The following IPO8 variants were observed in gnomAD, a reference collection of about 807,000 sequenced individuals.
The protein encoded by IPO8 is importin 8.
Under a neutral mutation model 141.2 loss-of-function variants are expected in IPO8, and 65 were observed. The ratio of observed to expected loss-of-function variants is 0.46; its 90% CI spans 0.38 to 0.57. The LOEUF is 0.57. Among genes scored for constraint, IPO8 ranks in the 20% least tolerant of loss-of-function variants. IPO8 has a pLI of 0.00. For synonymous variants in IPO8, 411 were observed against 420.3 expected (o/e 0.98, Z 0.27); for missense variants, 980 against 1,246.8 (o/e 0.79, Z 3.22).
At chr12:30,647,887 C>A (rs1222005910) in intron 20 of IPO8, among the ~76,000 whole-genome samples, 1 of 152,144 alleles carries the variant, frequency 6.6e-6, no homozygotes, top group Non-Finnish European at 1.5e-5. Context: ...ATGAAACATG[C>A]TCAAGATCAT....
intron 20 of IPO8, 74 bp from the exon 21 acceptor site, chr12:30,639,809 A>C: frequency 4.0e-6 from 4 of 990,704 alleles, no homozygotes; most frequent in Non-Finnish European, 4.8e-6. Context: ...ATATTGGCAG[A>C]GCATTCTCAA....
chr12:30,647,973 CAAAG>C (rs1332309949), intron 20 of IPO8, among the ~76,000 whole-genome samples: 1 of 152,056 alleles, frequency 6.6e-6, no homozygotes, highest in African/African-American at 2.4e-5. Context: ...GGCAAAAACA[CAAAG>C]AAATTGGAAC....
chr12:30,686,654 A>T (rs1473398413), intron 2 of IPO8: 2 of 152,182 alleles, frequency 1.3e-5, no homozygotes, highest in African/African-American at 4.8e-5. Context: ...ATTTCACAGG[A>T]TCAATCTTTG....
At chr12:30,670,497 G>C (rs1355296515) in intron 9 of IPO8, among the ~76,000 whole-genome samples, 1 of 152,030 alleles carries the variant, frequency 6.6e-6, no homozygotes, top group East Asian at 1.9e-4. Context: ...TGATGCTATT[G>C]AACTTAACAA....
Position 30,695,789 on chromosome 12 carries a change from C to T in IPO8, c.-142G>A, listed in dbSNP as rs1424743677. The T allele has an allele frequency of 1.5e-6, 1 of 683,144 alleles. No individual in the cohort carries two copies. The highest frequency in any genetic ancestry group is 2.8e-5 in the Admixed American group (1 of 35,798). The allele number at this position is 683,144 out of a possible 1,614,324, so 42.3% of individuals were successfully genotyped here. A position where few individuals can be genotyped will look rare whatever the true frequency, so the allele number is the denominator to read the frequency against. On this transcript the variant is annotated 5_prime_UTR_variant, in exon 1 of 25. Transcript: ENST00000256079. The surrounding 1 kb of genome is among the most constrained non-coding windows in gnomAD (Gnocchi z 4.2). ...CCCCGCCACCGTCGCCACCTGCGGCCACTTGCTGCGCCACTCTGACTCCGC... is the reference window on the plus strand; with the variant it reads ...CCCCGCCACCGTCGCCACCTGCGGCTACTTGCTGCGCCACTCTGACTCCGC...
At chr12:30,688,060 T>C (rs1266153392) in intron 2 of IPO8, among the ~76,000 whole-genome samples, 1 of 152,120 alleles carries the variant, frequency 6.6e-6, no homozygotes, top group African/African-American at 2.4e-5. Context: ...AAAAAGTACA[T>C]TTCTGAGCCT....
At chr12:30,658,326 A>G (rs1218367389) in intron 16 of IPO8, among the ~76,000 whole-genome samples, 2 of 152,212 alleles carry the variant, frequency 1.3e-5, no homozygotes, top group African/African-American at 4.8e-5. Flanking sequence ...TTTGCTTTTA[A>G]TAAGTTAAAG....
In IPO8 at chr12:30,630,670, TA is replaced by T. The variant is rs937990042; in HGVS notation, c.*189del. ...TCATTTCATACTTACAGTAGCTGTT[TA>T]AAATATATATTTCAGGGTGACAAAG... On this transcript the variant is annotated 3_prime_UTR_variant, in exon 25 of 25. Coordinates refer to ENST00000256079, the MANE Select transcript of IPO8 (RefSeq NM_006390.4). The T allele has an allele frequency of 5.4e-6, 3 of 553,142 alleles. No individual in the cohort carries two copies. The highest frequency in any genetic ancestry group is 9.6e-6 in the Non-Finnish European group (3 of 313,940). The allele number at this position is 553,142 out of a possible 1,614,324, so 34.3% of individuals were successfully genotyped here.
chr12:30,637,532 G>C (rs1446929420), intron 21 of IPO8, among the ~76,000 whole-genome samples: 2 of 152,074 alleles, frequency 1.3e-5, no homozygotes, highest in Non-Finnish European at 2.9e-5. Flanking sequence ...ACAATGGTTG[G>C]GGGGAATGAA....
At chr12:30,683,158 G>T (rs1490092455) in intron 3 of IPO8, among the ~76,000 whole-genome samples, 2 of 152,122 alleles carry the variant, frequency 1.3e-5, no homozygotes, top group Non-Finnish European at 2.9e-5. Flanking sequence ...GAAGATTAAG[G>T]GAGATCTGAA....
chr12:30,661,088 A>G (rs1591832966), intron 16 of IPO8, 53 bp downstream of exon 16: 17 of 1,336,480 alleles, frequency 1.3e-5, no homozygotes, highest in Non-Finnish European at 1.5e-5. Flanking sequence ...CACTGATCAC[A>G]TAAATTTCAG....
chr12:30,649,125 G>A lies in IPO8; in HGVS notation c.2268+12C>T, dbSNP rs761990592. 9 of 1,576,346 alleles carry A rather than the reference G, an allele frequency of 5.7e-6. No individual in the cohort carries two copies. The highest frequency in any genetic ancestry group is 7.0e-6 in the Non-Finnish European group (8 of 1,148,682). ...TAACCCTCAAGTAAGGCACTTTCCAGACATATATTACCTGATCAATTCCCC... is the reference window on the plus strand; with the variant it reads ...TAACCCTCAAGTAAGGCACTTTCCAAACATATATTACCTGATCAATTCCCC... On this transcript the variant is annotated intron_variant, in intron 20 of 24. Transcript: ENST00000256079.
intron 5 of IPO8, chr12:30,676,930 T>C: frequency 6.5e-7 from 1 of 1,532,938 alleles, no homozygotes; most frequent in East Asian, 2.4e-5. Context: ...TTTAACCACC[T>C]TGATGAAAAT....
chr12:30,674,000 C>A lies in IPO8; in HGVS notation c.899G>T (p.Gly300Val). 1 of 1,567,174 alleles carries A rather than the reference C, an allele frequency of 6.4e-7. No individual in the cohort carries two copies. Among genetic ancestry groups the A allele is most frequent in the Non-Finnish European group, 8.7e-7 (1 of 1,145,472 alleles). The change falls in exon 8 of 25, where the codon GGC becomes GTC. Residue 300 changes from glycine to valine, a missense_variant. By Grantham distance (109) the Gly-to-Val change is moderately radical. Transcript: ENST00000256079. Reference sequence around the variant, plus strand: ...GCATAAGTTTATTACCTGCTGAATGCCCACTGCATAGGTTTTCAAAAAGAA... The same window carrying A: ...GCATAAGTTTATTACCTGCTGAATGACCACTGCATAGGTTTTCAAAAAGAA... ...SEFFLKTYAV[G>V]IQQVLLKILD...
At chr12:30,694,522 A>C (rs1180209732) in intron 1 of IPO8, among the ~76,000 whole-genome samples, 1 of 151,502 alleles carries the variant, frequency 6.6e-6, no homozygotes, top group East Asian at 1.9e-4. Context: ...GTCACACTTC[A>C]GTCACACTTC....
At chr12:30,681,889 T>C (rs182239535) in intron 3 of IPO8, 72 bp from the exon 4 acceptor site, 1 of 1,296,890 alleles carries the variant, frequency 7.7e-7, no homozygotes, top group East Asian at 2.6e-5. Flanking sequence ...CTCTAATATT[T>C]TACATAAAAG....
At chr12:30,636,942 A>G (rs746832170) in intron 22 of IPO8, 40 bp downstream of exon 22, 1 of 1,538,692 alleles carries the variant, frequency 6.5e-7, no homozygotes, top group East Asian at 2.2e-5. Flanking sequence ...TACACAAATC[A>G]AAATCAATTG....
intron 21 of IPO8, among the ~76,000 whole-genome samples, chr12:30,639,142 G>A (rs1238911034): frequency 1.3e-5 from 2 of 152,026 alleles, no homozygotes; most frequent in African/African-American, 2.4e-5. Flanking sequence ...TTTTATCTTT[G>A]CCAGAGGGGT....
Position 30,661,208 on chromosome 12 carries a change from G to A in IPO8, c.1814C>T (p.Thr605Ile), listed in dbSNP as rs763763637. 12 of 1,595,552 alleles carry A rather than the reference G, an allele frequency of 7.5e-6. No homozygotes were observed. Among genetic ancestry groups the A allele is most frequent in the Non-Finnish European group, 9.4e-6 (11 of 1,171,152 alleles). ...ATGTAAAATTCCCATAGCCATTACT[G>A]TTTTGTCTTCAACTTCTTCATATTC... is the stretch of plus-strand genomic sequence containing the variant. Reference protein sequence around the residue: ...SDEYEEVEDKTVMAMGILHTI... With the variant: ...SDEYEEVEDKIVMAMGILHTI... Residue 605 changes from threonine (T) to isoleucine (I), a missense_variant, in exon 16 of 25, where the codon ACA becomes ATA. Transcript: ENST00000256079.
Sources: allele counts gnomAD v4.1 joint callset (sites outside exome capture counted in the v4.1 genomes callset), GRCh38; gene constraint gnomAD v4.1.1; non-coding constraint Gnocchi (gnomAD v3.1); transcripts MANE v1.5; gene names NCBI Gene and HGNC (gene_info 2026-07-23, HGNC 2026-07-21).